The following DNAI3 variants were observed in gnomAD, a reference collection of about 807,000 sequenced individuals.
DNAI3 encodes the protein WD repeat domain 63.
Under a neutral mutation model 115.5 loss-of-function variants are expected in DNAI3, and 83 were observed. The ratio of observed to expected loss-of-function variants is 0.72; its 90% confidence interval spans 0.60 to 0.86. DNAI3 has a LOEUF of 0.86. Ranked by LOEUF, DNAI3 falls within the 40% of genes least tolerant of loss-of-function variation. The pLI, the probability that DNAI3 is intolerant of heterozygous loss-of-function variation, is 0.00. For missense variants in DNAI3, 1,004 were observed against 1,075.8 expected (o/e 0.93, Z 0.93); for synonymous variants, 320 against 347.0 (o/e 0.92, Z 0.86).
intron 7 of DNAI3, among the ~76,000 whole-genome samples, 178 bp from the exon 8 acceptor site, chr1:85,089,938 C>T (rs77364785): frequency 0.026 from 3,906 of 151,862 alleles, 84 homozygotes; most frequent in Non-Finnish European, 0.041. Flanking sequence ...ATTCATGTAG[C>T]CTTTGAATAG....
At position 85,128,786 on chromosome 1, in the gene DNAI3, C is replaced by T. The variant is rs377389641; in HGVS notation, c.2396C>T (p.Pro799Leu). ...GAAATTCCTTGGACATTAAGTCGCC[C>T]TTCCACCAATGAGGTTAGTAACTAA... is the stretch of plus-strand genomic sequence containing the variant. ...ILEIPWTLSR[P>L]STNEMASVNH... Residue 799 changes from proline to leucine, a missense_variant, in exon 21 of 23, where the codon CCT (proline) becomes CTT (leucine). Transcript: ENST00000294664. The T allele has an allele frequency of 4.7e-5, 75 of 1,612,810 alleles. No homozygotes were observed. Among genetic ancestry groups the T allele is most frequent in the Non-Finnish European group, 6.2e-5 (73 of 1,179,412 alleles).
At chr1:85,120,745 C>T (rs1201112387) in intron 17 of DNAI3, among the ~76,000 whole-genome samples, 2 of 152,188 alleles carry the variant, frequency 1.3e-5, no homozygotes, top group Non-Finnish European at 2.9e-5. Flanking sequence ...CATCTGTCTG[C>T]TTCCTTAGAC....
Position 85,110,050 on chromosome 1 carries a change from A to G in DNAI3, c.1701A>G (p.Val567=). The G allele has an allele frequency of 6.2e-7, 1 of 1,613,322 alleles. No homozygotes were observed. Residue 567 remains valine, a splice_region_variant and synonymous_variant, in exon 16 of 23, where the codon GTA becomes GTG. Transcript: ENST00000294664. ...LDLSWKPLTK[V]RLSKGETSLD... The stretch of plus-strand genomic sequence containing the variant: ...TTTGCTATATGTTCTCCCAAAAGGT[A>G]AGGCTGTCCAAGGGTGAAACAAGTT...
chr1:85,092,594 C>T (rs1165060248), intron 8 of DNAI3, among the ~76,000 whole-genome samples: 2 of 152,082 alleles, frequency 1.3e-5, no homozygotes, highest in African/African-American at 4.8e-5. Flanking sequence ...ATAGTAACTA[C>T]TTTAAGACAG....
chr1:85,084,474 AT>A, intron 5 of DNAI3, 71 bp from the exon 6 acceptor site: 2 of 587,732 alleles, frequency 3.4e-6, no homozygotes, highest in Non-Finnish European at 4.1e-6. Context: ...TTGTTGCAAA[AT>A]ATATATATAT....
intron 13 of DNAI3, among the ~76,000 whole-genome samples, chr1:85,099,703 G>A (rs1171919593): frequency 5.3e-5 from 8 of 152,154 alleles, no homozygotes; most frequent in African/African-American, 1.4e-4. Flanking sequence ...GAGGCATCAC[G>A]CTACCTGACT....
intron 1 of DNAI3, among the ~76,000 whole-genome samples, chr1:85,071,641 G>A (rs1445093559): frequency 4.6e-5 from 7 of 152,172 alleles, no homozygotes; most frequent in South Asian, 2.1e-4. Context: ...GTCCTCTGTC[G>A]TGCTTCCATG....
chr1:85,129,941 A>T lies in DNAI3; in HGVS notation c.2410-49A>T, dbSNP rs373308014. ...ATTCTAACAGAGCCTTGTAAAGGTC[A>T]TGGGGGCTTCCTGCCTGTCACCCTC... On this transcript the variant is annotated intron_variant, in intron 21 of 22. Coordinates refer to ENST00000294664, the MANE Select transcript of DNAI3 (RefSeq NM_145172.5). 1.6e-5 allele frequency: 25 copies of T among 1,584,362 alleles called. No individual in the cohort carries two copies. The South Asian group carries it at 2.6e-4, about 16-fold the overall frequency.
chr1:85,126,283 G>A (rs1444930275), intron 19 of DNAI3, among the ~76,000 whole-genome samples: 1 of 152,184 alleles, frequency 6.6e-6, no homozygotes, highest in African/African-American at 2.4e-5. Flanking sequence ...TAATTGGAAT[G>A]TTTAATATTT....
rs769023018 is a variant in DNAI3 at position 85,108,125 on chromosome 1, A to G, written c.1646A>G (p.Asp549Gly). The G allele has an allele frequency of 1.7e-5, 27 of 1,609,684 alleles. No individual in the cohort carries two copies. In the Admixed American group the frequency reaches 4.2e-4, roughly 25 times the overall value. ...KKEESIEIPF[D>G]VPSTFLHLDL... ...GAGGAAAGTATTGAAATTCCTTTTG[A>G]TGTACCATCTACTTTTTTGCATCTG... is the stretch of plus-strand genomic sequence containing the variant. Residue 549 changes from aspartate (D) to glycine (G), a missense_variant, in exon 15 of 23, where the codon GAT becomes GGT. This residue lies in a region of DNAI3 where 429 missense variants were observed against 454.3 expected (regional missense o/e 0.94). Coordinates refer to ENST00000294664, the MANE Select transcript of DNAI3 (RefSeq NM_145172.5).
At chr1:85,108,740 A>G (rs1655567993) in intron 15 of DNAI3, among the ~76,000 whole-genome samples, 1 of 152,154 alleles carries the variant, frequency 6.6e-6, no homozygotes, top group South Asian at 2.1e-4. Flanking sequence ...ATAGTACCCA[A>G]TAGGTGGTTT....
At chr1:85,074,719 C>G (rs372432134) in intron 3 of DNAI3, among the ~76,000 whole-genome samples, 16 of 152,310 alleles carry the variant, frequency 1.1e-4, no homozygotes, top group African/African-American at 3.6e-4. Context: ...CAATACTGGA[C>G]TATTGCTCCT....
Position 85,085,886 on chromosome 1 carries a change from G to C in DNAI3, c.596G>C (p.Ser199Thr). 6.2e-7 allele frequency: 1 copy of C among 1,614,188 alleles called. No individual in the cohort carries two copies. Among genetic ancestry groups the C allele is most frequent in the Non-Finnish European group, 8.5e-7 (1 of 1,180,036 alleles). The change falls in exon 7 of 23, where the codon AGT becomes ACT. Residue 199 changes from serine (S) to threonine (T), a missense_variant. Ser to Thr is a moderately conservative substitution (Grantham distance 58, BLOSUM62 1). Coordinates refer to ENST00000294664, the MANE Select transcript of DNAI3 (RefSeq NM_145172.5). ...RSEFGAPIKF[S>T]DQNASSVKDA... ...GAATTTGGTGCACCAATTAAGTTCA[G>C]TGACCAGAATGCTTCCAGTGTAAAA...
At chr1:85,125,262 G>A (rs576378206) in intron 19 of DNAI3, among the ~76,000 whole-genome samples, 144 of 151,930 alleles carry the variant, frequency 9.5e-4, no homozygotes, top group Non-Finnish European at 1.6e-3. Flanking sequence ...ATGTATATAT[G>A]CATATGTGTA....
chr1:85,094,273 T>TGCC, intron 9 of DNAI3, 158 bp from the exon 10 acceptor site: 2 of 911,800 alleles, frequency 2.2e-6, no homozygotes, highest in East Asian at 4.9e-5. Flanking sequence ...AGCATGTAAC[T>TGCC]AGTGGCAACC....
chr1:85,115,281 C>CA (rs770378557), intron 16 of DNAI3, among the ~76,000 whole-genome samples: 1 of 152,194 alleles, frequency 6.6e-6, no homozygotes, highest in Non-Finnish European at 1.5e-5. Flanking sequence ...CAGAATAGCA[C>CA]ATAGTCAACA....
At chr1:85,122,072 G>T (rs559789618) in intron 18 of DNAI3, among the ~76,000 whole-genome samples, 161 of 152,296 alleles carry the variant, frequency 1.1e-3, no homozygotes, top group African/African-American at 3.6e-3. Context: ...ATTTTCCAGG[G>T]TATTTGTTTT....
At chr1:85,086,171 A>G in intron 7 of DNAI3, 141 bp downstream of exon 7, 3 of 763,780 alleles carry the variant, frequency 3.9e-6, no homozygotes, top group Non-Finnish European at 6.2e-6. Context: ...GAGTAATTCA[A>G]TTCAGGAAGA....
intron 11 of DNAI3, 141 bp downstream of exon 11, chr1:85,096,161 G>A: frequency 1.4e-6 from 1 of 720,504 alleles, no homozygotes; most frequent in South Asian, 1.7e-5. Flanking sequence ...ACCACACCAG[G>A]AAGCAGGGTA....
Sources: allele counts gnomAD v4.1 joint callset (sites outside exome capture counted in the v4.1 genomes callset), GRCh38; gene constraint gnomAD v4.1.1; regional missense constraint gnomAD v4.1.1; transcripts MANE v1.5; gene names NCBI Gene and HGNC (gene_info 2026-07-23, HGNC 2026-07-21).